The following ZMYND19 variants were observed in gnomAD, a reference collection of about 807,000 sequenced individuals.
ZMYND19 encodes zinc finger MYND domain-containing protein 19.
A neutral mutation model predicts 32.0 loss-of-function variants in ZMYND19; 17 were observed. That is an observed-to-expected ratio of 0.53 (90% CI 0.36 to 0.80). The LOEUF (loss-of-function observed/expected upper bound fraction) is 0.80. ZMYND19 is among the 30% of genes least tolerant of loss of function. The pLI is 0.00. For missense variants in ZMYND19, 250 were observed against 293.6 expected (o/e 0.85, Z 1.09); for synonymous variants, 124 against 113.6 (o/e 1.09, Z -0.58).
Position 137,582,653 on chromosome 9 carries a change from C to T in ZMYND19, c.574G>A (p.Val192Met), listed in dbSNP as rs1263909697. ...REFNICGRCQ[V>M]ARYCGSQCQQ... is the part of the protein sequence containing the mutation. ...CACTGGGAGCCGCAGTACCGGGCCA[C>T]CTGGCAGCGCCCACAGATGTTGAAC... The change falls in exon 6 of 6, where the codon GTG becomes ATG. Residue 192 changes from valine to methionine, a missense_variant. By Grantham distance (21) the Val-to-Met change is conservative (BLOSUM62 1). This residue lies in a region of ZMYND19 where 38 missense variants were observed against 74.9 expected (regional missense o/e 0.51). Coordinates refer to ENST00000298585, the MANE Select transcript of ZMYND19 (RefSeq NM_138462.3). 1.9e-6 allele frequency: 3 copies of T among 1,613,324 alleles called. No homozygotes were observed. Among genetic ancestry groups the T allele is most frequent in the African/African-American group, 2.7e-5 (2 of 75,078 alleles).
At position 137,582,509 on chromosome 9, in the gene ZMYND19, CG is replaced by C. The variant is rs1842158254; in HGVS notation, c.*33del. The stretch of plus-strand genomic sequence containing the variant: ...TCTCTGCTGTGCCCAGGGTAGAGCC[CG>C]GGGGCTGTGAGTATGTGTGGCTCCC... On this transcript the variant is annotated 3_prime_UTR_variant, in exon 6 of 6. Coordinates refer to ENST00000298585, the MANE Select transcript of ZMYND19 (RefSeq NM_138462.3). The C allele has an allele frequency of 6.2e-7, 1 of 1,603,758 alleles. No homozygotes were observed. The highest frequency in any genetic ancestry group is 8.5e-7 in the Non-Finnish European group (1 of 1,176,040).
chr9:137,582,293 G>C lies in ZMYND19; in HGVS notation c.*250C>G. The C allele has an allele frequency of 9.1e-6, 4 of 437,394 alleles. No individual in the cohort carries two copies. The highest frequency in any genetic ancestry group is 1.6e-5 in the Non-Finnish European group (4 of 247,720). 27.1% of individuals were successfully genotyped at this position (437,394 alleles called of 1,614,324 possible). ...CCCCCCCAAAAAAAACTGTACATGA[G>C]TTTACAAACATATTAACATATAAAT... On this transcript the variant is annotated 3_prime_UTR_variant, in exon 6 of 6. Coordinates refer to ENST00000298585, the MANE Select transcript of ZMYND19 (RefSeq NM_138462.3).
At position 137,582,321 on chromosome 9, in the gene ZMYND19, T is replaced by G. The variant is rs1842155542; in HGVS notation, c.*222A>C. The G allele has an allele frequency of 2.2e-5, 12 of 544,922 alleles. No individual in the cohort carries two copies. The highest frequency in any genetic ancestry group is 4.9e-4 in the Middle Eastern group (1 of 2,060). 33.8% of individuals were successfully genotyped at this position (544,922 alleles called of 1,614,324 possible). A position where few individuals can be genotyped will look rare whatever the true frequency, so the allele number is the denominator to read the frequency against. On this transcript the variant is annotated 3_prime_UTR_variant, in exon 6 of 6. Coordinates refer to ENST00000298585, the MANE Select transcript of ZMYND19 (RefSeq NM_138462.3). The stretch of plus-strand genomic sequence containing the variant: ...TACAAACATATTAACATATAAATAA[T>G]GAGAACCGTCCTGGTGGGAGCCTCC...
chr9:137,585,751 G>A (rs1020791502), intron 4 of ZMYND19, among the ~76,000 whole-genome samples: 4 of 152,120 alleles, frequency 2.6e-5, no homozygotes, highest in South Asian at 2.1e-4. Flanking sequence ...TTTCCACCTC[G>A]GCTGCCCAGG....
At chr9:137,588,255 G>A (rs141924785) in intron 2 of ZMYND19, among the ~76,000 whole-genome samples, 1 of 152,350 alleles carries the variant, frequency 6.6e-6, no homozygotes, top group Non-Finnish European at 1.5e-5. Flanking sequence ...CAGAGAACGG[G>A]AGGCAGCTGG....
intron 4 of ZMYND19, among the ~76,000 whole-genome samples, chr9:137,584,691 C>T (rs929363983): frequency 6.6e-6 from 1 of 152,170 alleles, no homozygotes; most frequent in Admixed American, 6.5e-5. Context: ...GCCAAGCACG[C>T]CTTCCCCTTC....
rs1229904588 is a variant in ZMYND19, at chr9:137,583,019, C to T, written c.504G>A (p.Glu168=). Residue 168 remains glutamate, a synonymous_variant, in exon 5 of 6, where the codon GAG becomes GAA. Coordinates refer to ENST00000298585, the MANE Select transcript of ZMYND19 (RefSeq NM_138462.3). The part of the protein sequence containing the change: ...EEEENSCTYY[E]CHYPPCTVIE... ...TCACTGTGCAGGGAGGGTAGTGGCACTCATAGTAGGTGCAAGAGTTCTCCT... is the reference window on the plus strand; with the variant it reads ...TCACTGTGCAGGGAGGGTAGTGGCATTCATAGTAGGTGCAAGAGTTCTCCT... The T allele has an allele frequency of 1.2e-6, 2 of 1,614,196 alleles. No individual in the cohort carries two copies. Among genetic ancestry groups the T allele is most frequent in the Non-Finnish European group, 1.7e-6 (2 of 1,180,012 alleles).
chr9:137,587,881 A>G, intron 2 of ZMYND19, 58 bp from the exon 3 acceptor site: 1 of 1,529,074 alleles, frequency 6.5e-7, no homozygotes, highest in Non-Finnish European at 9.1e-7. Context: ...GCAACACTTC[A>G]ATTCCCTCTT....
chr9:137,582,630 C>T lies in ZMYND19; in HGVS notation c.597G>A (p.Gln199=). The change falls in exon 6 of 6, where the codon CAG becomes CAA. Residue 199 remains glutamine, a synonymous_variant. Coordinates refer to ENST00000298585, the MANE Select transcript of ZMYND19 (RefSeq NM_138462.3). ...RCQVARYCGS[Q]CQQKDWPAHK... ...GGGCAGGCCAGTCCTTCTGCTGGCACTGGGAGCCGCAGTACCGGGCCACCT... is the reference window on the plus strand; with the variant it reads ...GGGCAGGCCAGTCCTTCTGCTGGCATTGGGAGCCGCAGTACCGGGCCACCT... 1 of 1,613,534 alleles carries T rather than the reference C, an allele frequency of 6.2e-7. No individual in the cohort carries two copies. The highest frequency in any genetic ancestry group is 8.5e-7 in the Non-Finnish European group (1 of 1,180,038).
In ZMYND19 at chr9:137,589,565, T is replaced by A. The variant is rs867554804; in HGVS notation, c.51+648A>T. The A allele has an allele frequency of 1.3e-4, 124 of 985,376 alleles. No homozygotes were observed. The Middle Eastern group carries it at 3.1e-3, about 25-fold the overall frequency. 61.0% of individuals were successfully genotyped at this position (985,376 alleles called of 1,614,324 possible). On this transcript the variant is annotated intron_variant, in intron 1 of 5. Transcript: ENST00000298585. Reference sequence around the variant, plus strand: ...CTCAATGCCCACAGGTGCCATGGAATCCCCAGCCTCAAACGTGGAGCGTGG... The same window carrying A: ...CTCAATGCCCACAGGTGCCATGGAAACCCCAGCCTCAAACGTGGAGCGTGG...
intron 4 of ZMYND19, 151 bp downstream of exon 4, chr9:137,586,816 G>T: frequency 9.3e-7 from 1 of 1,074,656 alleles, no homozygotes. Context: ...AGGATTCCAC[G>T]CTTTGGGGAA....
chr9:137,582,700 C>T lies in ZMYND19; in HGVS notation c.541-14G>A, dbSNP rs370083054. 7.4e-6 allele frequency: 12 copies of T among 1,611,152 alleles called. No homozygotes were observed. Among genetic ancestry groups the T allele is most frequent in the South Asian group, 5.5e-5 (5 of 90,936 alleles). ...GAACTCCCGGAGCTGAAATACAGAA[C>T]ACCTGTGGCTTCACCATCATGCCTG... is the stretch of plus-strand genomic sequence containing the variant. On this transcript the variant is annotated splice_polypyrimidine_tract_variant and intron_variant, in intron 5 of 5. Transcript: ENST00000298585.
intron 2 of ZMYND19, 110 bp downstream of exon 2, chr9:137,588,549 C>T: frequency 7.9e-7 from 1 of 1,259,114 alleles, no homozygotes; most frequent in East Asian, 2.3e-5. Context: ...ACCAGTTGTC[C>T]ACTTGTGGGG....
intron 5 of ZMYND19, 134 bp downstream of exon 5, chr9:137,582,849 T>C (rs555456404): frequency 6.6e-7 from 1 of 1,507,672 alleles, no homozygotes; most frequent in South Asian, 1.3e-5. Context: ...GGGAGACCAC[T>C]CTGGTGGAAA....
intron 1 of ZMYND19, chr9:137,589,757 C>T: frequency 3.0e-6 from 3 of 985,482 alleles, no homozygotes; most frequent in African/African-American, 1.7e-5. Flanking sequence ...CAGAAGAGCC[C>T]ACACCAGACC....
chr9:137,582,749 G>C (rs1380930395), intron 5 of ZMYND19, 63 bp from the exon 6 acceptor site: 13 of 1,580,854 alleles, frequency 8.2e-6, no homozygotes, highest in Non-Finnish European at 1.1e-5. Context: ...GGCAAAGGCT[G>C]CGTCTTACGG....
chr9:137,587,566 G>C, intron 3 of ZMYND19, 151 bp downstream of exon 3: 1 of 702,282 alleles, frequency 1.4e-6, no homozygotes, highest in South Asian at 1.7e-5. Context: ...TCGTTCCTTT[G>C]GGTTAGTGGT....
chr9:137,586,658 C>T (rs550005493), intron 4 of ZMYND19, among the ~76,000 whole-genome samples: 19 of 152,294 alleles, frequency 1.2e-4, no homozygotes, highest in Admixed American at 7.8e-4. Flanking sequence ...CTGCTCACAC[C>T]GAGTCCCGAC....
At position 137,590,182 on chromosome 9, in the gene ZMYND19, CG is replaced by C; in HGVS notation, c.51+30del. 9.5e-7 allele frequency: 1 copy of C among 1,051,440 alleles called. No individual in the cohort carries two copies. The allele number at this position is 1,051,440 out of a possible 1,614,324, so 65.1% of individuals were successfully genotyped here. A position where few individuals can be genotyped will look rare whatever the true frequency, so the allele number is the denominator to read the frequency against. On this transcript the variant is annotated intron_variant, in intron 1 of 5. Coordinates refer to ENST00000298585, the MANE Select transcript of ZMYND19 (RefSeq NM_138462.3). The surrounding 1 kb of genome is among the most constrained non-coding windows in gnomAD (Gnocchi z 4.2). ...CGCGCGGAGGCCTGGACGGGCGAGA[CG>C]GGCCGGGTCGCGGGCTCCGCGCCGC...
Sources: allele counts gnomAD v4.1 joint callset (sites outside exome capture counted in the v4.1 genomes callset), GRCh38; gene constraint gnomAD v4.1.1; regional missense constraint gnomAD v4.1.1; non-coding constraint Gnocchi (gnomAD v3.1); transcripts MANE v1.5; gene names NCBI Gene and HGNC (gene_info 2026-07-23, HGNC 2026-07-21).